Variants in IQSEC1 observed in about 807,000 individuals in gnomAD.
The protein encoded by IQSEC1 is IQ motif and Sec7 domain ArfGEF 1, also known as IQ motif and SEC7 domain-containing protein 1.
Under a neutral mutation model 91.0 loss-of-function variants are expected in IQSEC1, and 31 were observed. That is an observed-to-expected ratio of 0.34 (90% CI 0.26 to 0.46). The LOEUF (loss-of-function observed/expected upper bound fraction) is 0.46. Ranked by LOEUF, IQSEC1 falls within the 20% of genes least tolerant of loss-of-function variation. The pLI is 1.00. For missense variants in IQSEC1, 1,388 were observed against 1,575.6 expected (o/e 0.88, Z 2.02); for synonymous variants, 699 against 662.6 (o/e 1.05, Z -0.84).
At chr3:13,030,405 C>T (rs1275256661) in intron 1 of IQSEC1, among the ~76,000 whole-genome samples, 1 of 152,208 alleles carries the variant, frequency 6.6e-6, no homozygotes, top group Non-Finnish European at 1.5e-5. Context: ...CAGCTTCGCC[C>T]CACCTTTATG....
At chr3:13,000,862 G>A (rs1387957904) in intron 1 of IQSEC1, among the ~76,000 whole-genome samples, 3 of 152,064 alleles carry the variant, frequency 2.0e-5, no homozygotes, top group Non-Finnish European at 4.4e-5. Flanking sequence ...TATTCCTGCA[G>A]ATTCTTTGAG....
intron 1 of IQSEC1, among the ~76,000 whole-genome samples, chr3:13,025,488 C>G (rs1269613439): frequency 6.6e-6 from 1 of 152,168 alleles, no homozygotes; most frequent in African/African-American, 2.4e-5. Flanking sequence ...GAAGGGGACC[C>G]TGCTTGGGGA....
chr3:12,903,654 T>C (rs962018706), intron 12 of IQSEC1, among the ~76,000 whole-genome samples: 8 of 152,180 alleles, frequency 5.3e-5, no homozygotes, highest in African/African-American at 1.4e-4. Context: ...AGGCCCGGCC[T>C]GGCCCCGCCC....
At chr3:13,228,970 A>G (rs1439845433) in intron 1 of IQSEC1, among the ~76,000 whole-genome samples, 2 of 151,014 alleles carry the variant, frequency 1.3e-5, no homozygotes, top group Non-Finnish European at 3.0e-5. Flanking sequence ...GAACTCCACA[A>G]CTCCATCTGT....
intron 1 of IQSEC1, among the ~76,000 whole-genome samples, chr3:13,181,560 C>T (rs1013473931): frequency 1.3e-5 from 2 of 152,210 alleles, no homozygotes; most frequent in African/African-American, 4.8e-5. Context: ...AGGCCAGGCA[C>T]TATACTAAGC....
At chr3:13,076,897 G>T (rs143236992), upstream of IQSEC1, among the ~76,000 whole-genome samples, 12 of 151,980 alleles carry the variant, frequency 7.9e-5, no homozygotes, top group African/African-American at 2.9e-4. Context: ...AGAGGTGACC[G>T]CTGTCATCTG....
At chr3:13,182,686 T>G (rs901048262) in intron 1 of IQSEC1, among the ~76,000 whole-genome samples, 1 of 152,158 alleles carries the variant, frequency 6.6e-6, no homozygotes, top group Non-Finnish European at 1.5e-5. Flanking sequence ...AGATAATCAC[T>G]TCTAAATCTC....
At chr3:13,004,828 C>T (rs572400999) in intron 1 of IQSEC1, among the ~76,000 whole-genome samples, 3 of 152,234 alleles carry the variant, frequency 2.0e-5, no homozygotes, top group South Asian at 2.1e-4. Flanking sequence ...GTGCTGGCCA[C>T]GCAAATATCC....
Position 12,900,006 on chromosome 3 carries a change from T to TA in IQSEC1, c.*976dup. ...GGAGAGTCACAGTTATCGCAGCCAT[T>TA]AAAGTGTCTAAGAATCCGTGTAACC... On this transcript the variant is annotated 3_prime_UTR_variant, in exon 14 of 14. Transcript: ENST00000613206. 1.0e-6 allele frequency: 1 copy of TA among 985,372 alleles called. No homozygotes were observed. The highest frequency in any genetic ancestry group is 1.2e-6 in the Non-Finnish European group (1 of 829,924). The allele number at this position is 985,372 out of a possible 1,614,324, so 61.0% of individuals were successfully genotyped here.
intron 1 of IQSEC1, among the ~76,000 whole-genome samples, chr3:12,977,207 G>C (rs1299412163): frequency 6.6e-6 from 1 of 152,060 alleles, no homozygotes; most frequent in African/African-American, 2.4e-5. Context: ...AATTAGCCGG[G>C]TGTGGTGGCA....
chr3:13,229,366 G>C (rs1363700689), intron 1 of IQSEC1, among the ~76,000 whole-genome samples: 1 of 152,202 alleles, frequency 6.6e-6, no homozygotes, highest in Non-Finnish European at 1.5e-5. Context: ...AATGCTTGCT[G>C]AGTGTACAGG....
chr3:12,930,945 C>A (rs1270570655), intron 3 of IQSEC1, among the ~76,000 whole-genome samples: 1 of 152,146 alleles, frequency 6.6e-6, no homozygotes, highest in Non-Finnish European at 1.5e-5. Context: ...TAGGGTCCTG[C>A]AGAGAGGTGC....
chr3:13,109,951 C>T (rs557460035), intron 2 of IQSEC1, among the ~76,000 whole-genome samples: 21 of 145,426 alleles, frequency 1.4e-4, no homozygotes, highest in Non-Finnish European at 1.0e-4. Context: ...GGCGTGATCT[C>T]GGCTCACTGT....
chr3:12,928,544 G>A (rs796783216), intron 3 of IQSEC1, among the ~76,000 whole-genome samples: 2 of 152,154 alleles, frequency 1.3e-5, no homozygotes, highest in Non-Finnish European at 2.9e-5. Context: ...GACAGCAGAC[G>A]GCCAGGGCAC....
chr3:12,938,315 C>A (rs143732038), intron 2 of IQSEC1, among the ~76,000 whole-genome samples: 2 of 152,294 alleles, frequency 1.3e-5, no homozygotes, highest in South Asian at 2.1e-4. Context: ...CAGCTGCAGG[C>A]GCAGAACTGA....
intron 1 of IQSEC1, among the ~76,000 whole-genome samples, chr3:13,039,174 C>T (rs1170820173): frequency 1.3e-5 from 2 of 152,262 alleles, no homozygotes. Flanking sequence ...CCCACAATGG[C>T]CTTTGGGCCA....
In IQSEC1 at chr3:13,211,036, T is replaced by C. The variant is rs1694434933; in HGVS notation, c.273-46903A>G. 6.6e-6 allele frequency among the ~76,000 whole-genome samples: 1 copy of C among 152,194 alleles called. No individual in the cohort carries two copies. Among genetic ancestry groups the C allele is most frequent in the Non-Finnish European group, 1.5e-5 (1 of 68,028 alleles). Reference sequence around the variant, plus strand: ...AGAGAGACAAGAGTCTGCTAGAAGGTAGAGACCTTGTATGCTGTTCCCTGA... The same window carrying C: ...AGAGAGACAAGAGTCTGCTAGAAGGCAGAGACCTTGTATGCTGTTCCCTGA... On this transcript the variant is annotated intron_variant, in intron 1 of 15. Coordinates refer to the IQSEC1 transcript ENST00000648114. This position sits in a 1 kb window ranked among gnomAD's most constrained non-coding sequence, Gnocchi z 5.3.
intron 2 of IQSEC1, among the ~76,000 whole-genome samples, chr3:13,121,031 G>C (rs1706414999): frequency 6.6e-6 from 1 of 152,182 alleles, no homozygotes; most frequent in African/African-American, 2.4e-5. Flanking sequence ...GCAACCCCTT[G>C]ACCACAAGTC....
chr3:12,911,406 CTGAG>C (rs1695540358), intron 10 of IQSEC1, among the ~76,000 whole-genome samples: 2 of 152,224 alleles, frequency 1.3e-5, no homozygotes, highest in Non-Finnish European at 2.9e-5. Context: ...TAAAAGCAAA[CTGAG>C]TGTCTGTCCA....
Sources: allele counts gnomAD v4.1 joint callset (sites outside exome capture counted in the v4.1 genomes callset), GRCh38; gene constraint gnomAD v4.1.1; non-coding constraint Gnocchi (gnomAD v3.1); transcripts MANE v1.5; gene names NCBI Gene and HGNC (gene_info 2026-07-23, HGNC 2026-07-21).